The following IL37 variants were observed in gnomAD, a reference collection of about 807,000 sequenced individuals.
The protein encoded by IL37 is interleukin 37, also known as interleukin-37.
A neutral mutation model predicts 15.4 loss-of-function variants in IL37; 15 were observed. The observed-to-expected ratio is 0.98, with a 90% CI of 0.65 to 1.50. IL37 has a LOEUF of 1.50. Ranked by LOEUF, IL37 falls within the 40% of genes most tolerant of loss-of-function variation. The pLI is 0.00. For missense variants in IL37, 269 were observed against 261.7 expected (o/e 1.03, Z -0.19); for synonymous variants, 98 against 97.4 (o/e 1.01, Z -0.03).
chr2:112,918,661 C>T lies in IL37; in HGVS notation c.509C>T (p.Ala170Val), dbSNP rs1267548778. ...QVGSWNMLES[A>V]AHPGWFICTS... ...GGCTCCTGGAACATGCTGGAGTCGG[C>T]GGCTCACCCCGGATGGTTCATCTGC... The change falls in exon 6 of 6, where the codon GCG becomes GTG. Residue 170 changes from alanine to valine, a missense_variant. Coordinates refer to ENST00000263326, the MANE Select transcript of IL37 (RefSeq NM_014439.4). 4 of 1,613,954 alleles carry T rather than the reference C, an allele frequency of 2.5e-6. No homozygotes were observed. The highest frequency in any genetic ancestry group is 2.2e-5 in the East Asian group (1 of 44,886).
rs756191994 is a variant in IL37 at position 112,913,070 on chromosome 2, G to A, written c.58G>A (p.Asp20Asn). 6.4e-7 allele frequency: 1 copy of A among 1,570,690 alleles called. No individual in the cohort carries two copies. The highest frequency in any genetic ancestry group is 2.4e-5 in the East Asian group (1 of 41,594). ...AATGGGCTCTGAGGACTGGGAAAAAGATGAACCCCAGTGCTGCTTAGAAGG... is the reference window on the plus strand; with the variant it reads ...AATGGGCTCTGAGGACTGGGAAAAAAATGAACCCCAGTGCTGCTTAGAAGG... ...VKMGSEDWEK[D>N]EPQCCLEDPA... The change falls in exon 2 of 6, where the codon GAT (aspartate) becomes AAT (asparagine). Residue 20 changes from aspartate (D) to asparagine (N), a missense_variant. Asp to Asn is a conservative substitution (Grantham distance 23). Coordinates refer to ENST00000263326, the MANE Select transcript of IL37 (RefSeq NM_014439.4).
intron 3 of IL37, among the ~76,000 whole-genome samples, chr2:112,915,758 C>G (rs1303626543): frequency 6.6e-6 from 1 of 152,124 alleles, no homozygotes; most frequent in Non-Finnish European, 1.5e-5. Flanking sequence ...AGGATCTTGC[C>G]TGGGGCCAGT....
chr2:112,918,313 G>GTCTCTCTCTC (rs113652399), intron 5 of IL37, among the ~76,000 whole-genome samples: 5 of 148,294 alleles, frequency 3.4e-5, no homozygotes, highest in Non-Finnish European at 7.5e-5. Flanking sequence ...TGACTCTTAC[G>GTCTCTCTCTC]TCTCTCTCTC....
chr2:112,912,421 G>C (rs182397177), intron 1 of IL37, among the ~76,000 whole-genome samples: 1 of 152,318 alleles, frequency 6.6e-6, no homozygotes, highest in African/African-American at 2.4e-5. Context: ...AGGTTGCAGA[G>C]CAACTGCTTT....
chr2:112,918,407 C>T (rs2104981175), intron 5 of IL37, among the ~76,000 whole-genome samples, 154 bp from the exon 6 acceptor site: 1 of 152,080 alleles, frequency 6.6e-6, no homozygotes, highest in South Asian at 2.1e-4. Flanking sequence ...CCTTAAATAC[C>T]AGTACCAAGG....
In IL37 at chr2:112,918,580, T is replaced by C; in HGVS notation, c.428T>C (p.Leu143Pro). The change falls in exon 6 of 6, where the codon CTG (leucine) becomes CCG (proline). Residue 143 changes from leucine (L) to proline (P), a missense_variant. Leu to Pro is a moderately conservative substitution (Grantham distance 98). Coordinates refer to ENST00000263326, the MANE Select transcript of IL37 (RefSeq NM_014439.4). ...LQLKKEKLMKLAAQKESARRP... is the reference protein window; with the variant it reads ...LQLKKEKLMKPAAQKESARRP... ...TCACAGAAGGAGAAACTGATGAAGC[T>C]GGCTGCCCAAAAGGAATCAGCACGC... 1 of 1,611,670 alleles carries C rather than the reference T, an allele frequency of 6.2e-7. No homozygotes were observed. The highest frequency in any genetic ancestry group is 8.5e-7 in the Non-Finnish European group (1 of 1,179,210).
chr2:112,911,879 A>G (rs975598302), intron 1 of IL37, among the ~76,000 whole-genome samples: 3 of 152,180 alleles, frequency 2.0e-5, no homozygotes, highest in African/African-American at 7.2e-5. Flanking sequence ...TTACCCCAAC[A>G]TGACAAAGGC....
intron 3 of IL37, chr2:112,915,327 G>A: frequency 7.6e-7 from 1 of 1,314,018 alleles, no homozygotes; most frequent in Non-Finnish European, 1.1e-6. Context: ...TCTCACCCTG[G>A]ACTAACTGAA....
chr2:112,917,531 G>T, intron 4 of IL37, 104 bp from the exon 5 acceptor site: 1 of 1,175,200 alleles, frequency 8.5e-7, no homozygotes, highest in Non-Finnish European at 1.2e-6. Context: ...GTGGACCACA[G>T]AGTCAAGGGA....
chr2:112,918,565 A>G lies in IL37; in HGVS notation c.413A>G (p.Glu138Gly). ...QSHPSLQLKKEKLMKLAAQKE... is the reference protein window; with the variant it reads ...QSHPSLQLKKGKLMKLAAQKE... ...TTAATCCCTTTTACCTCACAGAAGG[A>G]GAAACTGATGAAGCTGGCTGCCCAA... is the stretch of plus-strand genomic sequence containing the variant. Residue 138 changes from glutamate to glycine, a missense_variant, in exon 6 of 6, where the codon GAG (glutamate) becomes GGG (glycine). Coordinates refer to ENST00000263326, the MANE Select transcript of IL37 (RefSeq NM_014439.4). 6.2e-7 allele frequency: 1 copy of G among 1,610,222 alleles called. No individual in the cohort carries two copies. The highest frequency in any genetic ancestry group is 8.5e-7 in the Non-Finnish European group (1 of 1,178,454).
At chr2:112,916,842 G>A (rs1387746033) in intron 3 of IL37, among the ~76,000 whole-genome samples, 3 of 152,190 alleles carry the variant, frequency 2.0e-5, no homozygotes, top group African/African-American at 7.2e-5. Flanking sequence ...TCACAGATGA[G>A]GACATTGAGG....
intron 3 of IL37, 110 bp downstream of exon 3, chr2:112,913,964 C>A: frequency 1.2e-6 from 1 of 846,160 alleles, no homozygotes; most frequent in South Asian, 1.5e-5. Flanking sequence ...ATGGGGACAC[C>A]TAAGGGTGCT....
intron 3 of IL37, among the ~76,000 whole-genome samples, chr2:112,914,788 C>A (rs936139039): frequency 6.6e-6 from 1 of 152,184 alleles, no homozygotes; most frequent in Non-Finnish European, 1.5e-5. Flanking sequence ...TCAAATCTGG[C>A]GGAAGTGGTT....
At position 112,912,978 on chromosome 2, in the gene IL37, C is replaced by A; in HGVS notation, c.-35C>A. The A allele has an allele frequency of 6.6e-7, 1 of 1,504,038 alleles. No homozygotes were observed. Among genetic ancestry groups the A allele is most frequent in the Non-Finnish European group, 9.0e-7 (1 of 1,105,390 alleles). 93.2% of individuals were successfully genotyped at this position (1,504,038 alleles called of 1,614,324 possible). On this transcript the variant is annotated 5_prime_UTR_variant, in exon 2 of 6. Coordinates refer to ENST00000263326, the MANE Select transcript of IL37 (RefSeq NM_014439.4). ...ATCTCCTTAGGTCTTGGACTTCATT[C>A]CATTTTCTGTTGAGTAATAAACTCA...
rs1289879572 is a variant in IL37, at chr2:112,917,664, A to G, written c.295A>G (p.Ser99Gly). 6.2e-7 allele frequency: 1 copy of G among 1,604,946 alleles called. No homozygotes were observed. Among genetic ancestry groups the G allele is most frequent in the Non-Finnish European group, 8.5e-7 (1 of 1,176,234 alleles). The change falls in exon 5 of 6, where the codon AGC becomes GGC. Residue 99 changes from serine (S) to glycine (G), a missense_variant. Physicochemically the swap from Ser to Gly is moderately conservative, Grantham distance 56. Coordinates refer to ENST00000263326, the MANE Select transcript of IL37 (RefSeq NM_014439.4). ...CTTCTTTGCATTAGCCTCATCCTTGAGCTCAGCCTCTGCGGAGAAAGGAAG... is the reference window on the plus strand; with the variant it reads ...CTTCTTTGCATTAGCCTCATCCTTGGGCTCAGCCTCTGCGGAGAAAGGAAG... ...EIFFALASSL[S>G]SASAEKGSPI...
At chr2:112,915,241 T>C (rs781260775) in intron 3 of IL37, 2 of 1,613,956 alleles carry the variant, frequency 1.2e-6, no homozygotes, top group Non-Finnish European at 8.5e-7. Flanking sequence ...AAAGAACAGC[T>C]TTAAGAAGCG....
chr2:112,917,229 T>A lies in IL37; in HGVS notation c.246T>A (p.Asp82Glu). The A allele has an allele frequency of 1.9e-6, 3 of 1,614,098 alleles. No homozygotes were observed. Among genetic ancestry groups the A allele is most frequent in the Non-Finnish European group, 1.7e-6 (2 of 1,179,996 alleles). The change falls in exon 4 of 6, where the codon GAT (aspartate) becomes GAA (glutamate). Residue 82 changes from aspartate to glutamate, a missense_variant. Asp to Glu is a conservative substitution (Grantham distance 45). Transcript: ENST00000263326. ...CTGGGAATCTCATAGCAGTTCCAGATAAAAACTACATACGCCCAGGTGACT... is the reference window on the plus strand; with the variant it reads ...CTGGGAATCTCATAGCAGTTCCAGAAAAAAACTACATACGCCCAGGTGACT... ...LDSGNLIAVP[D>E]KNYIRPEIFF...
At chr2:112,913,964 C>G in intron 3 of IL37, 110 bp downstream of exon 3, 1 of 846,162 alleles carries the variant, frequency 1.2e-6, no homozygotes, top group Non-Finnish European at 2.0e-6. Context: ...ATGGGGACAC[C>G]TAAGGGTGCT....
At chr2:112,917,312 TG>T in intron 4 of IL37, 64 bp downstream of exon 4, 1 of 1,572,026 alleles carries the variant, frequency 6.4e-7, no homozygotes, top group Non-Finnish European at 8.7e-7. Flanking sequence ...TCCTGCTAGG[TG>T]GGCTCAACTC....
Sources: gnomAD v4.1 joint callset for allele counts (sites outside exome capture counted in the v4.1 genomes callset) on GRCh38, gnomAD v4.1.1 for gene constraint, MANE v1.5 for transcripts, NCBI Gene and HGNC (gene_info 2026-07-23, HGNC 2026-07-21) for gene names.